The following PRKD1 variants were observed in gnomAD, a reference collection of about 807,000 sequenced individuals.
PRKD1 encodes serine/threonine-protein kinase D1.
PRKD1 carries 63 observed loss-of-function variants against 95.9 expected under a neutral mutation model. The observed-to-expected ratio is 0.66, with a 90% CI of 0.54 to 0.81. The LOEUF (loss-of-function observed/expected upper bound fraction) is 0.81. PRKD1 is among the 30% of genes least tolerant of loss of function. The pLI, the probability that PRKD1 is intolerant of heterozygous loss-of-function variation, is 0.00. For missense variants in PRKD1, 1,048 were observed against 1,165.3 expected, an observed-to-expected ratio of 0.90 and a Z score of 1.47; for synonymous variants, 425 against 423.1, an observed-to-expected ratio of 1.00 and a Z score of -0.05.
At chr14:29,660,183 C>A (rs1174371163) in intron 4 of PRKD1, among the ~76,000 whole-genome samples, 1 of 152,200 alleles carries the variant, frequency 6.6e-6, no homozygotes, top group African/African-American at 2.4e-5. Context: ...TTTCTCACAG[C>A]AGTTTTTCCC....
intron 2 of PRKD1, among the ~76,000 whole-genome samples, chr14:29,671,971 G>C (rs1314943008): frequency 6.6e-6 from 1 of 152,160 alleles, no homozygotes; most frequent in Non-Finnish European, 1.5e-5. Flanking sequence ...GCTAGAATTA[G>C]TGACCCAGAA....
intron 4 of PRKD1, among the ~76,000 whole-genome samples, chr14:29,656,202 C>T (rs1414658513): frequency 2.0e-5 from 3 of 152,170 alleles, no homozygotes; most frequent in African/African-American, 7.2e-5. Context: ...CAAGCAATCA[C>T]AGGGCAAAAT....
At chr14:29,683,210 A>G (rs1353811122) in intron 2 of PRKD1, among the ~76,000 whole-genome samples, 1 of 152,184 alleles carries the variant, frequency 6.6e-6, no homozygotes, top group East Asian at 1.9e-4. Context: ...GGCTGTAGCA[A>G]TAGAAACAGA....
rs1885524539 is a variant in PRKD1 at position 29,714,923 on chromosome 14, A to G, written c.403+10613T>C. ...AGTTGAACAGTGAGAACACATGCACACAGGGAGGGGAACAATCACACACCG... is the reference window on the plus strand; with the variant it reads ...AGTTGAACAGTGAGAACACATGCACGCAGGGAGGGGAACAATCACACACCG... On this transcript the variant is annotated intron_variant, in intron 2 of 17. Coordinates refer to ENST00000331968, the MANE Select transcript of PRKD1 (RefSeq NM_002742.3). 2.0e-5 allele frequency among the ~76,000 whole-genome samples: 3 copies of G among 152,206 alleles called. No homozygotes were observed. The South Asian group carries it at 6.2e-4, about 32-fold the overall frequency.
chr14:29,779,206 C>T (rs1475563547), intron 1 of PRKD1, among the ~76,000 whole-genome samples: 4 of 152,132 alleles, frequency 2.6e-5, no homozygotes, highest in African/African-American at 9.7e-5. Flanking sequence ...AAACGGGAAG[C>T]GTTCCCTTTG....
At chr14:29,789,844 T>A (rs1428614292) in intron 1 of PRKD1, among the ~76,000 whole-genome samples, 1 of 152,106 alleles carries the variant, frequency 6.6e-6, no homozygotes, top group African/African-American at 2.4e-5. Context: ...GTGTCAGCCA[T>A]GGCAGGTGAG....
intron 13 of PRKD1, among the ~76,000 whole-genome samples, chr14:29,613,338 G>A (rs117017337): frequency 0.014 from 2,101 of 152,120 alleles, 15 homozygotes; most frequent in Non-Finnish European, 0.023. Flanking sequence ...TTATTCTCTG[G>A]TTTTCTGTCA....
chr14:29,691,342 C>A (rs1180630810), intron 2 of PRKD1, among the ~76,000 whole-genome samples: 47 of 152,158 alleles, frequency 3.1e-4, no homozygotes, highest in Non-Finnish European at 5.9e-5. Flanking sequence ...AAAGCATATC[C>A]ATGCTGGACC....
At chr14:29,803,928 C>A (rs1890129724) in intron 1 of PRKD1, among the ~76,000 whole-genome samples, 1 of 152,070 alleles carries the variant, frequency 6.6e-6, no homozygotes, top group South Asian at 2.1e-4. Context: ...ATTTTCTAAA[C>A]GTTTCAACCA....
intron 1 of PRKD1, among the ~76,000 whole-genome samples, chr14:29,855,287 C>A (rs1209811749): frequency 6.6e-6 from 1 of 152,174 alleles, no homozygotes; most frequent in Non-Finnish European, 1.5e-5. Flanking sequence ...AGGGACGGAG[C>A]TGCCCAAGAC....
intron 4 of PRKD1, among the ~76,000 whole-genome samples, chr14:29,649,835 C>T (rs572166674): frequency 6.6e-6 from 1 of 152,274 alleles, no homozygotes; most frequent in Non-Finnish European, 1.5e-5. Context: ...CCCATTTCCT[C>T]CCAGTAACGA....
chr14:29,806,345 G>A (rs996623893), intron 1 of PRKD1, among the ~76,000 whole-genome samples: 18 of 152,260 alleles, frequency 1.2e-4, no homozygotes, highest in African/African-American at 4.3e-4. Flanking sequence ...TCTGAGATTG[G>A]GCAATAGGCT....
chr14:29,622,047 C>CAA (rs963388423), intron 13 of PRKD1, among the ~76,000 whole-genome samples: 2 of 152,084 alleles, frequency 1.3e-5, no homozygotes, highest in African/African-American at 4.8e-5. Context: ...GCAACAGGGA[C>CAA]AGGTTTAGTG....
chr14:29,631,857 A>C (rs1400205806), intron 9 of PRKD1, among the ~76,000 whole-genome samples: 4 of 150,772 alleles, frequency 2.7e-5, no homozygotes, highest in African/African-American at 9.8e-5. Context: ...GCTGGAGTGC[A>C]TTGGTGCAAT....
chr14:29,811,990 T>C (rs571251486), intron 1 of PRKD1: 2 of 152,276 alleles, frequency 1.3e-5, no homozygotes, highest in Admixed American at 6.5e-5. Context: ...AAGGATGACA[T>C]ACAAATTTGT....
chr14:29,642,514 C>T (rs1450371949), intron 4 of PRKD1, among the ~76,000 whole-genome samples: 2 of 152,064 alleles, frequency 1.3e-5, no homozygotes, highest in African/African-American at 4.8e-5. Context: ...AACTAGATAG[C>T]AATTCGAATC....
At chr14:29,883,874 C>T (rs1188380410) in intron 1 of PRKD1, among the ~76,000 whole-genome samples, 1 of 152,198 alleles carries the variant, frequency 6.6e-6, no homozygotes, top group African/African-American at 2.4e-5. Flanking sequence ...AGATGCATCA[C>T]TGTCAGCATC....
chr14:29,888,016 T>C (rs1440778991), intron 1 of PRKD1, among the ~76,000 whole-genome samples: 1 of 152,214 alleles, frequency 6.6e-6, no homozygotes, highest in African/African-American at 2.4e-5. Flanking sequence ...AAATGCCATA[T>C]GAGGCTGGGT....
chr14:29,901,494 T>A, intron 1 of PRKD1, among the ~76,000 whole-genome samples: 1 of 152,206 alleles, frequency 6.6e-6, no homozygotes, highest in Non-Finnish European at 1.5e-5. Context: ...ACTATTACTT[T>A]ATCAATAGTA....
Sources: gnomAD v4.1 joint callset for allele counts (sites outside exome capture counted in the v4.1 genomes callset) on GRCh38, gnomAD v4.1.1 for gene constraint, MANE v1.5 for transcripts, NCBI Gene and HGNC (gene_info 2026-07-23, HGNC 2026-07-21) for gene names.